Variants in KLF12 observed in about 807,000 individuals in gnomAD.
KLF12 encodes the protein KLF transcription factor 12.
KLF12 carries 9 observed loss-of-function variants against 37.8 expected under a neutral mutation model. The ratio of observed to expected loss-of-function variants is 0.24; its 90% CI spans 0.14 to 0.42. KLF12 has a LOEUF of 0.42. KLF12 is among the 10% of genes least tolerant of loss of function. The pLI is 1.00. For synonymous variants in KLF12, 208 were observed against 202.1 expected, an observed-to-expected ratio of 1.03 and a Z score of -0.25; for missense variants, 411 against 516.0, an observed-to-expected ratio of 0.80 and a Z score of 1.97.
the KLF12 span, among the ~76,000 whole-genome samples, chr13:74,194,581 A>C: frequency 3.3e-5 from 5 of 152,194 alleles, no homozygotes; most frequent in African/African-American, 1.2e-4. Flanking sequence ...AAGGGGGAAG[A>C]GACCTCATGA....
chr13:73,968,974 T>C (rs1025254731), intron 2 of KLF12, among the ~76,000 whole-genome samples: 14 of 151,478 alleles, frequency 9.2e-5, no homozygotes, highest in African/African-American at 3.2e-4. Flanking sequence ...ATAAAGTGTC[T>C]AAGAAAGTTT....
chr13:74,018,332 G>T (rs562956756), intron 1 of KLF12, among the ~76,000 whole-genome samples: 1 of 152,234 alleles, frequency 6.6e-6, no homozygotes, highest in South Asian at 2.1e-4. Context: ...GTTGGTCAAA[G>T]AATACATATT....
At chr13:73,724,152 C>A (rs1876489692) in intron 6 of KLF12, among the ~76,000 whole-genome samples, 1 of 152,090 alleles carries the variant, frequency 6.6e-6, no homozygotes, top group Non-Finnish European at 1.5e-5. Context: ...AAATGCCCAC[C>A]AATGATAGAC....
intron 1 of KLF12, among the ~76,000 whole-genome samples, chr13:74,053,688 A>T (rs185409621): frequency 2.8e-4 from 43 of 152,328 alleles, no homozygotes; most frequent in African/African-American, 1.0e-3. Flanking sequence ...GACTCAGCAC[A>T]AGCAGATGTG....
At chr13:74,242,938 G>A in the KLF12 span, among the ~76,000 whole-genome samples, 1 of 152,186 alleles carries the variant, frequency 6.6e-6, no homozygotes, top group Non-Finnish European at 1.5e-5. Context: ...GTGGCAGTGA[G>A]AGCACTTTTC....
intron 5 of KLF12, among the ~76,000 whole-genome samples, chr13:73,795,171 C>T (rs898188893): frequency 6.6e-6 from 1 of 152,204 alleles, no homozygotes; most frequent in African/African-American, 2.4e-5. Flanking sequence ...ATAAAGATGG[C>T]TCTGCCTGAT....
chr13:73,911,570 C>T (rs533882615), intron 3 of KLF12, among the ~76,000 whole-genome samples: 66 of 152,292 alleles, frequency 4.3e-4, no homozygotes, highest in African/African-American at 1.3e-3. Flanking sequence ...AGAAACAGAA[C>T]AGTGGTTTAG....
intron 1 of KLF12, among the ~76,000 whole-genome samples, chr13:74,117,950 G>A (rs548670773): frequency 5.9e-5 from 9 of 152,280 alleles, no homozygotes; most frequent in Non-Finnish European, 1.3e-4. Flanking sequence ...TATCCTAAAA[G>A]AGAAAGTAGA....
intron 6 of KLF12, among the ~76,000 whole-genome samples, chr13:73,745,091 T>C (rs1336867825): frequency 6.6e-6 from 1 of 152,230 alleles, no homozygotes; most frequent in Non-Finnish European, 1.5e-5. Context: ...ATTTATTCAT[T>C]TATTGTTTAT....
At chr13:74,234,737 C>A in the KLF12 span, among the ~76,000 whole-genome samples, 1 of 150,702 alleles carries the variant, frequency 6.6e-6, no homozygotes, top group Non-Finnish European at 1.5e-5. Flanking sequence ...CCACTCTTAC[C>A]TCTTATTCGG....
chr13:74,138,869 C>T (rs1220694888), upstream of KLF12, among the ~76,000 whole-genome samples: 2 of 152,160 alleles, frequency 1.3e-5, no homozygotes, highest in Non-Finnish European at 1.5e-5. Flanking sequence ...CATATTCATA[C>T]CTCATACTTT....
upstream of KLF12, among the ~76,000 whole-genome samples, chr13:74,133,952 T>A (rs541302187): frequency 2.6e-5 from 4 of 152,022 alleles, no homozygotes; most frequent in Admixed American, 2.6e-4. Context: ...GGGGAACTGT[T>A]GTACTTGCAA....
At chr13:73,722,122 C>T (rs1566319290) in intron 6 of KLF12, among the ~76,000 whole-genome samples, 1 of 152,084 alleles carries the variant, frequency 6.6e-6, no homozygotes, top group Non-Finnish European at 1.5e-5. Context: ...TAAAATAAGA[C>T]ATTGAACATC....
rs139159701 is a variant in KLF12, at chr13:73,880,521, C to T, written c.124-34148G>A. 1.8e-4 allele frequency among the ~76,000 whole-genome samples: 28 copies of T among 152,072 alleles called. No homozygotes were observed. The East Asian group carries it at 4.4e-3, about 24-fold the overall frequency. ...ATGAGGAATTGCCTCCAACCTGTGACGGAGGTTCCTCTGCTACTTCCTGCT... is the reference window on the plus strand; with the variant it reads ...ATGAGGAATTGCCTCCAACCTGTGATGGAGGTTCCTCTGCTACTTCCTGCT... On this transcript the variant is annotated intron_variant, in intron 3 of 7. Coordinates refer to ENST00000377669, the MANE Select transcript of KLF12 (RefSeq NM_007249.5).
the KLF12 span, among the ~76,000 whole-genome samples, chr13:74,175,966 G>A: frequency 0.011 from 1,646 of 152,124 alleles, 36 homozygotes; most frequent in African/African-American, 0.038. Context: ...TCTCCCCTGG[G>A]CAGCCTCCTA....
chr13:74,266,614 G>T, the KLF12 span, among the ~76,000 whole-genome samples: 1 of 152,148 alleles, frequency 6.6e-6, no homozygotes, highest in Non-Finnish European at 1.5e-5. Context: ...CTCATGGAAG[G>T]ATTCCTGTGA....
At chr13:74,098,107 C>T (rs184446417) in intron 1 of KLF12, among the ~76,000 whole-genome samples, 1 of 152,126 alleles carries the variant, frequency 6.6e-6, no homozygotes, top group Admixed American at 6.5e-5. Context: ...AACCTTCTCA[C>T]AAAATCCCAG....
the KLF12 span, among the ~76,000 whole-genome samples, chr13:74,295,631 T>A: frequency 6.6e-6 from 1 of 152,292 alleles, no homozygotes; most frequent in Non-Finnish European, 1.5e-5. Flanking sequence ...TATTTTTCGA[T>A]CCTTAATGAT....
the KLF12 span, among the ~76,000 whole-genome samples, chr13:74,267,136 G>A: frequency 6.6e-6 from 1 of 152,192 alleles, no homozygotes; most frequent in African/African-American, 2.4e-5. Flanking sequence ...AAACTACTGT[G>A]TTGGATTGAA....
Sources: gnomAD v4.1 joint callset for allele counts (sites outside exome capture counted in the v4.1 genomes callset) on GRCh38, gnomAD v4.1.1 for gene constraint, MANE v1.5 for transcripts, NCBI Gene and HGNC (gene_info 2026-07-23, HGNC 2026-07-21) for gene names.